Variants in SMG1 observed in about 807,000 individuals in gnomAD.
The protein encoded by SMG1 is SMG1 nonsense mediated mRNA decay associated PI3K related kinase, also known as serine/threonine-protein kinase SMG1.
Under a neutral mutation model 419.9 loss-of-function variants are expected in SMG1, and 22 were observed. The ratio of observed to expected loss-of-function variants is 0.05; its 90% CI spans 0.04 to 0.07. SMG1 has a LOEUF of 0.07. Among genes scored for constraint, SMG1 ranks in the 10% least tolerant of loss-of-function variants. SMG1 has a pLI of 1.00. For synonymous variants in SMG1, 1,538 were observed against 1,553.5 expected (o/e 0.99, Z 0.23); for missense variants, 3,185 against 4,342.0 (o/e 0.73, Z 7.49).
At chr16:18,897,353 G>C (rs530254449) in intron 1 of SMG1, among the ~76,000 whole-genome samples, 57 of 152,218 alleles carry the variant, frequency 3.7e-4, no homozygotes, top group African/African-American at 1.2e-3. Context: ...CCCATGGAGA[G>C]GGTTAATCAG....
intron 29 of SMG1, 137 bp downstream of exon 29, chr16:18,858,033 T>G: frequency 3.1e-6 from 2 of 649,682 alleles, no homozygotes; most frequent in Non-Finnish European, 5.0e-6. Flanking sequence ...CTCGATCGTA[T>G]TGGTGGTCAC....
chr16:18,896,672 T>A, intron 2 of SMG1, 121 bp downstream of exon 2: 2 of 668,160 alleles, frequency 3.0e-6, no homozygotes, highest in Non-Finnish European at 5.0e-6. Context: ...TAACACTGCA[T>A]TTGTTATTCA....
At chr16:18,817,185 C>A in intron 57 of SMG1, 106 bp downstream of exon 57, 4 of 782,038 alleles carry the variant, frequency 5.1e-6, no homozygotes, top group Non-Finnish European at 6.9e-6. Flanking sequence ...CAACCTCTTA[C>A]ATACAGTATA....
At chr16:18,897,243 G>A (rs766902535) in intron 1 of SMG1, among the ~76,000 whole-genome samples, 2 of 152,154 alleles carry the variant, frequency 1.3e-5, no homozygotes, top group Non-Finnish European at 2.9e-5. Flanking sequence ...TTTTACCATT[G>A]AAAGTCTCCT....
intron 1 of SMG1, among the ~76,000 whole-genome samples, chr16:18,903,389 T>C (rs2037425242): frequency 6.6e-6 from 1 of 152,206 alleles, no homozygotes; most frequent in African/African-American, 2.4e-5. Context: ...TTTCTCTGAC[T>C]TCAAGTGGGC....
chr16:18,856,250 T>C (rs2034895618), intron 29 of SMG1: 1 of 151,540 alleles, frequency 6.6e-6, no homozygotes, highest in Non-Finnish European at 1.5e-5. Context: ...GCAGCCTTCA[T>C]TTCCCAGGCT....
In SMG1 at chr16:18,807,364, C is replaced by T. The variant is rs531679075; in HGVS notation, c.*2205G>A. ...GATGAATGTAATTTGCTCCCAGAGC[C>T]TCTAGAAAATAAAGCAGTGTGCAAA... On this transcript the variant is annotated 3_prime_UTR_variant, in exon 63 of 63. Transcript: ENST00000446231. 1.8e-4 allele frequency: 28 copies of T among 152,200 alleles called. No individual in the cohort carries two copies. Among genetic ancestry groups the T allele is most frequent in the Admixed American group, 8.5e-4 (13 of 15,280 alleles). The allele number at this position is 152,200 out of a possible 1,614,324, so 9.4% of individuals were successfully genotyped here.
In SMG1 at chr16:18,918,652, G is replaced by A. The variant is rs1414909085; in HGVS notation, c.92+7298C>T. ...CAACCTTCACCTCCTGGGTTCAAGCGATTCTCCTGCCTCAGCCTCCCAAGT... is the reference window on the plus strand; with the variant it reads ...CAACCTTCACCTCCTGGGTTCAAGCAATTCTCCTGCCTCAGCCTCCCAAGT... On this transcript the variant is annotated intron_variant, in intron 1 of 62. Transcript: ENST00000446231. Among the ~76,000 whole-genome samples, 9 of 152,232 alleles carry A rather than the reference G, an allele frequency of 5.9e-5. No individual in the cohort carries two copies. In the East Asian group the frequency reaches 1.2e-3, roughly 20 times the overall value.
At chr16:18,876,594 C>G (rs944153276) in intron 12 of SMG1, among the ~76,000 whole-genome samples, 1 of 151,442 alleles carries the variant, frequency 6.6e-6, no homozygotes, top group African/African-American at 2.4e-5. Flanking sequence ...TATTTCAAGT[C>G]TATAAAGTTT....
intron 23 of SMG1, 152 bp downstream of exon 23, chr16:18,866,469 C>T: frequency 1.3e-6 from 1 of 745,824 alleles, no homozygotes; most frequent in Non-Finnish European, 2.3e-6. Context: ...AAAGAACAAA[C>T]TGAAGACGCC....
chr16:18,816,388 T>A lies in SMG1; in HGVS notation c.10216A>T (p.Asn3406Tyr), dbSNP rs766761664. ...QIETVCETIQNLVDNIKTVLT... is the reference protein window; with the variant it reads ...QIETVCETIQYLVDNIKTVLT... ...ACAGTCTTTATATTATCAACCAGATTCTGAATTGTTTCACAGACCGTTTCT... is the reference window on the plus strand; with the variant it reads ...ACAGTCTTTATATTATCAACCAGATACTGAATTGTTTCACAGACCGTTTCT... The change falls in exon 58 of 63, where the codon AAT (asparagine) becomes TAT (tyrosine). Residue 3406 changes from asparagine to tyrosine, a missense_variant. Physicochemically the swap from Asn to Tyr is moderately radical, Grantham distance 143. Coordinates refer to ENST00000446231, the MANE Select transcript of SMG1 (RefSeq NM_015092.5). 2 of 1,613,960 alleles carry A rather than the reference T, an allele frequency of 1.2e-6. No individual in the cohort carries two copies. Among genetic ancestry groups the A allele is most frequent in the Non-Finnish European group, 1.7e-6 (2 of 1,179,864 alleles).
chr16:18,878,606 CAAAAAAAA>C (rs35169039), intron 11 of SMG1: 1 of 98,610 alleles, frequency 1.0e-5, no homozygotes, highest in Non-Finnish European at 2.2e-5. Flanking sequence ...GATCCTGTGA[CAAAAAAAA>C]AAAAAAGAAA....
chr16:18,844,894 T>C (rs552092740), intron 39 of SMG1, among the ~76,000 whole-genome samples: 292 of 152,136 alleles, frequency 1.9e-3, no homozygotes, highest in Admixed American at 5.5e-3. Flanking sequence ...TAAGAGAATA[T>C]AGAATTAAGA....
chr16:18,924,038 A>G (rs973205974), intron 1 of SMG1, among the ~76,000 whole-genome samples: 1 of 152,146 alleles, frequency 6.6e-6, no homozygotes, highest in Admixed American at 6.5e-5. Flanking sequence ...ACATCCTAAC[A>G]AACTGTTACT....
chr16:18,834,692 GC>G (rs1454394130), intron 49 of SMG1, among the ~76,000 whole-genome samples, 199 bp downstream of exon 49: 2 of 152,172 alleles, frequency 1.3e-5, no homozygotes, highest in African/African-American at 4.8e-5. Context: ...GTTGCTGTGA[GC>G]CGAGATCGTG....
intron 1 of SMG1, among the ~76,000 whole-genome samples, chr16:18,924,373 A>C (rs2038310296): frequency 6.6e-6 from 1 of 152,218 alleles, no homozygotes. Context: ...ACACTTTTCC[A>C]AAAGCTGTAG....
At chr16:18,820,585 T>C (rs2032439945) in intron 55 of SMG1, among the ~76,000 whole-genome samples, 1 of 152,342 alleles carries the variant, frequency 6.6e-6, no homozygotes, top group South Asian at 2.1e-4. Flanking sequence ...TGATTATTTA[T>C]TCAACATTTC....
Position 18,839,771 on chromosome 16 carries a change from G to A in SMG1, c.6872C>T (p.Thr2291Ile). Residue 2291 changes from threonine (T) to isoleucine (I), a missense_variant, in exon 42 of 63, where the codon ACA (threonine) becomes ATA (isoleucine). By Grantham distance (89) the Thr-to-Ile change is moderately conservative. This residue lies in a region of SMG1 where 132 missense variants were observed against 151.0 expected (regional missense o/e 0.87). Transcript: ENST00000446231. ...KAVLEELMEA[T>I]PPNLLAKELW... ...CTCTTTGGCAAGGAGATTCGGGGGT[G>A]TGGCCTCCATTAACTCTTCCAATAC... 6.2e-7 allele frequency: 1 copy of A among 1,614,002 alleles called. No individual in the cohort carries two copies. The highest frequency in any genetic ancestry group is 2.2e-5 in the East Asian group (1 of 44,880).
At chr16:18,865,323 T>C (rs1242605416) in intron 23 of SMG1, among the ~76,000 whole-genome samples, 1 of 152,168 alleles carries the variant, frequency 6.6e-6, no homozygotes, top group African/African-American at 2.4e-5. Context: ...GCATTCTTGT[T>C]TCTCAGTGAC....
Sources: gnomAD v4.1 joint callset for allele counts (sites outside exome capture counted in the v4.1 genomes callset) on GRCh38, gnomAD v4.1.1 for gene constraint, gnomAD v4.1.1 regional missense constraint, MANE v1.5 for transcripts, NCBI Gene and HGNC (gene_info 2026-07-23, HGNC 2026-07-21) for gene names.